MTFR1: variants seen among roughly 807,000 people sequenced by gnomAD.
MTFR1 encodes the protein mitochondrial fission regulator 1, also known as chondrocyte protein with a poly-proline region.
Under a neutral mutation model 38.8 loss-of-function variants are expected in MTFR1, and 28 were observed. The ratio of observed to expected loss-of-function variants is 0.72; its 90% CI spans 0.53 to 0.99. The LOEUF (loss-of-function observed/expected upper bound fraction) is 0.99. Ranked by LOEUF, MTFR1 falls within the 50% of genes least tolerant of loss-of-function variation. MTFR1 has a pLI of 0.00. For missense variants in MTFR1, 358 were observed against 395.5 expected (o/e 0.91, Z 0.81); for synonymous variants, 145 against 137.0 (o/e 1.06, Z -0.41).
Position 65,680,953 on chromosome 8 carries a change from C to G in MTFR1, c.67-1400C>G, listed in dbSNP as rs552574616. Among the ~76,000 whole-genome samples, 106 of 144,684 alleles carry G rather than the reference C, an allele frequency of 7.3e-4. 4 individuals carry two copies. The South Asian group carries it at 0.023, about 31-fold the overall frequency. The allele number at this position is 144,684 out of a possible 152,430, so 94.9% of individuals were successfully genotyped here. On this transcript the variant is annotated intron_variant, in intron 2 of 7. Transcript: ENST00000262146. ...CGGAGTCTCGCTCTGTCGCCCAGGC[C>G]GGACTGCGGACTGCAGTGGCGCAAT...
At chr8:65,684,495 C>T (rs1434140904) in intron 3 of MTFR1, among the ~76,000 whole-genome samples, 3 of 151,508 alleles carry the variant, frequency 2.0e-5, no homozygotes, top group Non-Finnish European at 4.4e-5. Flanking sequence ...AAGCAGTTCT[C>T]CTGCCTCAGC....
chr8:65,740,767 G>A (rs1807389207), intron 3 of MTFR1, among the ~76,000 whole-genome samples: 1 of 151,930 alleles, frequency 6.6e-6, no homozygotes, highest in South Asian at 2.1e-4. Flanking sequence ...GTTCTATCAG[G>A]TACAACTATC....
At chr8:65,683,077 T>C (rs1804951894) in intron 3 of MTFR1, 1 of 214,564 alleles carries the variant, frequency 4.7e-6, no homozygotes, top group African/African-American at 2.4e-5. Flanking sequence ...GCAACTCTAC[T>C]CTTTGCTTGG....
intron 2 of MTFR1, among the ~76,000 whole-genome samples, chr8:65,716,739 G>A (rs1806157877): frequency 6.6e-6 from 1 of 152,214 alleles, no homozygotes; most frequent in African/African-American, 2.4e-5. Context: ...ATGTGGGTTT[G>A]CCATGATAGT....
At chr8:65,698,399 C>T (rs1805509066) in intron 4 of MTFR1, among the ~76,000 whole-genome samples, 1 of 151,964 alleles carries the variant, frequency 6.6e-6, no homozygotes, top group South Asian at 2.1e-4. Flanking sequence ...CTTAGCCTCC[C>T]AAAGTGCTGG....
intron 3 of MTFR1, among the ~76,000 whole-genome samples, chr8:65,744,691 G>A (rs190586651): frequency 2.6e-5 from 4 of 152,196 alleles, no homozygotes; most frequent in Admixed American, 2.6e-4. Context: ...ATTATAAATG[G>A]CCACAATCTA....
downstream of MTFR1, among the ~76,000 whole-genome samples, chr8:65,772,412 G>T (rs988344652): frequency 2.0e-5 from 3 of 152,150 alleles, no homozygotes; most frequent in Admixed American, 1.3e-4. Context: ...AACACATCCT[G>T]CAAGGTTGCT....
At chr8:65,681,665 G>GTTT (rs963405251) in intron 2 of MTFR1, among the ~76,000 whole-genome samples, 1 of 112,312 alleles carries the variant, frequency 8.9e-6, no homozygotes, top group African/African-American at 3.5e-5. Flanking sequence ...GCTTTTTGTT[G>GTTT]TTTTTGTTTT....
At chr8:65,773,790 T>C (rs975628264), downstream of MTFR1, among the ~76,000 whole-genome samples, 1 of 152,196 alleles carries the variant, frequency 6.6e-6, no homozygotes, top group African/African-American at 2.4e-5. Context: ...CTAATCATTT[T>C]TAATGTCCCT....
intron 1 of MTFR1, among the ~76,000 whole-genome samples, chr8:65,666,145 G>A (rs2129050266): frequency 6.6e-6 from 1 of 152,326 alleles, no homozygotes; most frequent in Non-Finnish European, 1.5e-5. Flanking sequence ...AGTGCCTCAG[G>A]CCTGTAATCC....
intron 3 of MTFR1, among the ~76,000 whole-genome samples, chr8:65,686,729 C>T (rs1805092240): frequency 6.6e-6 from 1 of 152,012 alleles, no homozygotes; most frequent in Non-Finnish European, 1.5e-5. Context: ...TTGCGACCAG[C>T]TCGGCCACTG....
chr8:65,745,319 A>C, intron 3 of MTFR1: 1 of 790,874 alleles, frequency 1.3e-6, no homozygotes, highest in Non-Finnish European at 2.3e-6. Context: ...ACCTTAGTAC[A>C]GTAAATGAAA....
At chr8:65,726,013 C>CT (rs957463887) in intron 3 of MTFR1, among the ~76,000 whole-genome samples, 2 of 152,048 alleles carry the variant, frequency 1.3e-5, no homozygotes, top group African/African-American at 4.8e-5. Context: ...TAAAGTCCAG[C>CT]TTTTTTCTCA....
At chr8:65,689,297 G>T (rs1357858236) in intron 3 of MTFR1, among the ~76,000 whole-genome samples, 11 of 152,192 alleles carry the variant, frequency 7.2e-5, no homozygotes, top group Non-Finnish European at 1.5e-5. Context: ...ACAAGAGGAT[G>T]AAGTTAGTAC....
intron 1 of MTFR1, among the ~76,000 whole-genome samples, chr8:65,645,688 G>GC (rs1808939559): frequency 1.1e-5 from 1 of 93,888 alleles, no homozygotes; most frequent in Non-Finnish European, 2.0e-5. Context: ...ATCACGCCCG[G>GC]CTTTCCCCCC....
intron 3 of MTFR1, among the ~76,000 whole-genome samples, chr8:65,748,756 T>C (rs1807799229): frequency 1.3e-5 from 2 of 152,192 alleles, no homozygotes; most frequent in African/African-American, 4.8e-5. Context: ...TGTTTCCTTA[T>C]GTGTATAATG....
chr8:65,697,713 T>C (rs1293647023), intron 4 of MTFR1, among the ~76,000 whole-genome samples: 2 of 152,232 alleles, frequency 1.3e-5, no homozygotes, highest in Admixed American at 6.5e-5. Context: ...AGCTGTTTTC[T>C]AGAGCCTATT....
intron 3 of MTFR1, among the ~76,000 whole-genome samples, chr8:65,720,839 T>C (rs973374769): frequency 6.6e-6 from 1 of 152,230 alleles, no homozygotes; most frequent in Non-Finnish European, 1.5e-5. Context: ...TACAGTGTTA[T>C]GTTGAGCCAG....
chr8:65,660,605 G>A (rs987161807), intron 1 of MTFR1, among the ~76,000 whole-genome samples: 2 of 152,088 alleles, frequency 1.3e-5, no homozygotes, highest in Non-Finnish European at 2.9e-5. Flanking sequence ...TAGCTCTGTC[G>A]GCCTCCAGCT....
Sources: allele counts gnomAD v4.1 joint callset (sites outside exome capture counted in the v4.1 genomes callset), GRCh38; gene constraint gnomAD v4.1.1; transcripts MANE v1.5; gene names NCBI Gene and HGNC (gene_info 2026-07-23, HGNC 2026-07-21).